FGF12: variants seen among roughly 807,000 people sequenced by gnomAD.
The protein encoded by FGF12 is fibroblast growth factor 12B.
A neutral mutation model predicts 23.6 loss-of-function variants in FGF12; 14 were observed. The observed-to-expected ratio is 0.59, with a 90% CI of 0.39 to 0.93. The LOEUF is 0.93. FGF12 is among the 40% of genes least tolerant of loss of function. FGF12 has a pLI of 0.00. For synonymous variants in FGF12, 62 were observed against 77.3 expected (o/e 0.80, Z 1.04); for missense variants, 175 against 217.8 (o/e 0.80, Z 1.24).
rs370317111 is a variant in FGF12, at chr3:192,537,950, C to CTTTTTTTTTTTTTTTTTTTTTTT, written c.14-177413_14-177412insAAAAAAAAAAAAAAAAAAAAAAA. Among the ~76,000 whole-genome samples, 284 of 121,238 alleles carry CTTTTTTTTTTTTTTTTTTTTTTT rather than the reference C, an allele frequency of 2.3e-3. 14 individuals are homozygous for CTTTTTTTTTTTTTTTTTTTTTTT. Among genetic ancestry groups the CTTTTTTTTTTTTTTTTTTTTTTT allele is most frequent in the East Asian group, 1.0e-2 (44 of 4,414 alleles). The allele number at this position is 121,238 out of a possible 152,430, so 79.5% of individuals were successfully genotyped here. On this transcript the variant is annotated intron_variant, in intron 2 of 5. Coordinates refer to ENST00000445105, the MANE Select transcript of FGF12 (RefSeq NM_004113.6). Reference sequence around the variant, plus strand: ...AAGGTCTTAGATTTAAGCCTTTAACCTTTTTTTTTTTTTGAGATGGAGTTT... The same window carrying CTTTTTTTTTTTTTTTTTTTTTTT: ...AAGGTCTTAGATTTAAGCCTTTAACCTTTTTTTTTTTTTTTTTTTTTTTTTTTTTTTTTTTTGAGATGGAGTTT...
intron 2 of FGF12, among the ~76,000 whole-genome samples, chr3:192,594,742 T>G (rs1285815905): frequency 6.6e-6 from 1 of 151,956 alleles, no homozygotes; most frequent in Admixed American, 6.6e-5. Context: ...TTTTCTGCCA[T>G]GTTATGATGC....
intron 5 of FGF12, among the ~76,000 whole-genome samples, chr3:192,167,572 A>C (rs1715238017): frequency 1.3e-5 from 2 of 151,102 alleles, no homozygotes. Flanking sequence ...TTATATGATT[A>C]AGCTGCTGTT....
chr3:192,603,611 G>C (rs1055734567), intron 2 of FGF12, among the ~76,000 whole-genome samples: 1 of 152,056 alleles, frequency 6.6e-6, no homozygotes, highest in African/African-American at 2.4e-5. Flanking sequence ...ATATCAGTAG[G>C]ACTGTGATGC....
At chr3:192,272,770 A>G (rs1000805578) in intron 4 of FGF12, among the ~76,000 whole-genome samples, 1 of 152,178 alleles carries the variant, frequency 6.6e-6, no homozygotes, top group Admixed American at 6.6e-5. Context: ...AAATAGCCCA[A>G]CTGATCATAG....
At chr3:192,362,078 A>G (rs2108734346) in intron 2 of FGF12, among the ~76,000 whole-genome samples, 1 of 152,312 alleles carries the variant, frequency 6.6e-6, no homozygotes, top group East Asian at 1.9e-4. Flanking sequence ...ATGAGTCTCT[A>G]TTCACTTTGA....
At chr3:192,285,390 T>A (rs1161732146) in intron 4 of FGF12, among the ~76,000 whole-genome samples, 2 of 152,048 alleles carry the variant, frequency 1.3e-5, no homozygotes. Flanking sequence ...TATCTTCACA[T>A]CAAGAACTGA....
At chr3:192,539,773 A>G (rs1725319809) in intron 2 of FGF12, among the ~76,000 whole-genome samples, 1 of 152,082 alleles carries the variant, frequency 6.6e-6, no homozygotes, top group Admixed American at 6.5e-5. Context: ...TGAAGCCATC[A>G]GGTTCCAGGC....
chr3:192,305,690 A>T (rs867089480), intron 4 of FGF12, among the ~76,000 whole-genome samples: 129 of 145,974 alleles, frequency 8.8e-4, no homozygotes, highest in African/African-American at 3.1e-3. Context: ...ATATATATAT[A>T]TATATAAATA....
intron 2 of FGF12, among the ~76,000 whole-genome samples, chr3:192,449,685 C>T (rs1722464546): frequency 1.3e-5 from 2 of 152,314 alleles, no homozygotes; most frequent in African/African-American, 4.8e-5. Context: ...GGCAACTCTG[C>T]AGCAAGGCTT....
At chr3:192,167,457 G>C (rs930003162) in intron 5 of FGF12, among the ~76,000 whole-genome samples, 8 of 151,872 alleles carry the variant, frequency 5.3e-5, no homozygotes, top group African/African-American at 1.9e-4. Flanking sequence ...CACTGGGAGA[G>C]AGGTAGTAAA....
At chr3:192,666,176 A>C (rs1160210180) in intron 2 of FGF12, among the ~76,000 whole-genome samples, 2 of 152,218 alleles carry the variant, frequency 1.3e-5, no homozygotes, top group Non-Finnish European at 2.9e-5. Flanking sequence ...TTAATTTTAA[A>C]TACCTTTCTT....
chr3:192,677,629 A>G (rs1003872064), intron 2 of FGF12, among the ~76,000 whole-genome samples: 1 of 152,236 alleles, frequency 6.6e-6, no homozygotes, highest in East Asian at 1.9e-4. Flanking sequence ...CAAAATAGCC[A>G]TATGTTCTAT....
chr3:192,266,726 C>T (rs1020635427), intron 4 of FGF12, among the ~76,000 whole-genome samples: 1 of 151,924 alleles, frequency 6.6e-6, no homozygotes, highest in Non-Finnish European at 1.5e-5. Context: ...CTTACTCCAT[C>T]CTGTATTACT....
At chr3:192,361,343 G>C (rs556063085) in intron 2 of FGF12, among the ~76,000 whole-genome samples, 104 of 152,006 alleles carry the variant, frequency 6.8e-4, no homozygotes, top group African/African-American at 2.5e-3. Flanking sequence ...CTTTCTCATC[G>C]CAGTGCTGGC....
chr3:192,170,143 T>TA (rs1442359402), intron 5 of FGF12, among the ~76,000 whole-genome samples: 1 of 148,912 alleles, frequency 6.7e-6, no homozygotes, highest in African/African-American at 2.5e-5. Flanking sequence ...TTCCTTTTTT[T>TA]TTTTTTTAAT....
chr3:192,166,105 A>G (rs554050429), intron 5 of FGF12, among the ~76,000 whole-genome samples: 1 of 152,218 alleles, frequency 6.6e-6, no homozygotes, highest in African/African-American at 2.4e-5. Context: ...AAAGGTTTCA[A>G]TGTCCAGTGG....
chr3:192,456,347 G>C (rs911397192), intron 2 of FGF12, among the ~76,000 whole-genome samples: 7 of 152,188 alleles, frequency 4.6e-5, no homozygotes, highest in South Asian at 2.1e-4. Flanking sequence ...GGTCATCTGA[G>C]ACTTAGAGAT....
chr3:192,399,330 A>G (rs903450670), intron 2 of FGF12, among the ~76,000 whole-genome samples: 5 of 152,154 alleles, frequency 3.3e-5, no homozygotes, highest in Admixed American at 3.3e-4. Context: ...CCATTTGAAA[A>G]AGCAGCAAAG....
At chr3:192,167,159 C>T (rs895612201) in intron 5 of FGF12, among the ~76,000 whole-genome samples, 1 of 94,806 alleles carries the variant, frequency 1.1e-5, no homozygotes, top group South Asian at 3.2e-4. Context: ...TGGTATATGG[C>T]TATCAAAAAA....
Sources: allele counts gnomAD v4.1 joint callset (sites outside exome capture counted in the v4.1 genomes callset), GRCh38; gene constraint gnomAD v4.1.1; transcripts MANE v1.5; gene names NCBI Gene and HGNC (gene_info 2026-07-23, HGNC 2026-07-21).